KAT6A: variants seen among roughly 807,000 people sequenced by gnomAD.
KAT6A encodes the protein lysine acetyltransferase 6A, also known as histone acetyltransferase KAT6A.
A neutral mutation model predicts 198.4 loss-of-function variants in KAT6A; 9 were observed. The observed-to-expected ratio is 0.05, with a 90% CI of 0.03 to 0.08. KAT6A has a LOEUF of 0.08. Among genes scored for constraint, KAT6A ranks in the 10% least tolerant of loss-of-function variants. The probability of loss-of-function intolerance (pLI) is 1.00; values close to 1 mark genes in which losing one functional copy is unlikely to be tolerated. For missense variants in KAT6A, 2,077 were observed against 2,509.9 expected (o/e 0.83, Z 3.69); for synonymous variants, 890 against 883.0 (o/e 1.01, Z -0.14).
chr8:41,977,311 T>G lies in KAT6A; in HGVS notation c.1060A>C (p.Ser354Arg), dbSNP rs1400477959. Reference sequence around the variant, plus strand: ...CTTCCAGGGCCAGTTCGAACTTTGCTGAAGGGACCTTTTGATCTAAACAAT... The same window carrying G: ...CTTCCAGGGCCAGTTCGAACTTTGCGGAAGGGACCTTTTGATCTAAACAAT... Reference protein sequence around the residue: ...KQNTVSKGPFSKVRTGPGRGR... With the variant: ...KQNTVSKGPFRKVRTGPGRGR... Residue 354 changes from serine (S) to arginine (R), a missense_variant, in exon 7 of 17, where the codon AGC (serine) becomes CGC (arginine). Coordinates refer to ENST00000265713, the MANE Select transcript of KAT6A (RefSeq NM_006766.5). The G allele has an allele frequency of 2.5e-6, 4 of 1,612,890 alleles. No homozygotes were observed. Among genetic ancestry groups the G allele is most frequent in the Non-Finnish European group, 3.4e-6 (4 of 1,179,236 alleles).
At chr8:42,011,153 C>T (rs954543686) in intron 2 of KAT6A, among the ~76,000 whole-genome samples, 6 of 152,134 alleles carry the variant, frequency 3.9e-5, no homozygotes, top group Admixed American at 2.0e-4. Flanking sequence ...ACCTAACATG[C>T]CCCTTACATG....
At chr8:41,959,158 C>T (rs1305148072) in intron 8 of KAT6A, among the ~76,000 whole-genome samples, 2 of 58,046 alleles carry the variant, frequency 3.4e-5, no homozygotes, top group Admixed American at 2.0e-4. Flanking sequence ...CAGACTGTCT[C>T]GAAAAAAAAA....
chr8:41,997,410 C>T (rs1450838614), intron 2 of KAT6A, among the ~76,000 whole-genome samples: 1 of 151,522 alleles, frequency 6.6e-6, no homozygotes, highest in African/African-American at 2.4e-5. Context: ...TGTAGCCCAT[C>T]AAAAATGGAA....
chr8:41,975,172 A>C (rs1296939207), intron 7 of KAT6A, among the ~76,000 whole-genome samples: 1 of 152,174 alleles, frequency 6.6e-6, no homozygotes, highest in Non-Finnish European at 1.5e-5. Context: ...TATAGGTTTA[A>C]TGCATCAACG....
At chr8:41,958,969 C>A (rs1026920191) in intron 8 of KAT6A, among the ~76,000 whole-genome samples, 4 of 152,000 alleles carry the variant, frequency 2.6e-5, no homozygotes, top group African/African-American at 9.7e-5. Context: ...ACCATCCTGG[C>A]TAACAAGGTG....
intron 2 of KAT6A, among the ~76,000 whole-genome samples, chr8:42,009,904 A>C (rs964662588): frequency 3.5e-5 from 5 of 144,126 alleles, no homozygotes; most frequent in Admixed American, 6.8e-5. Flanking sequence ...CAAAAAAAAA[A>C]AAAAAAAAAA....
chr8:41,985,330 G>C (rs1408146162), intron 3 of KAT6A, among the ~76,000 whole-genome samples: 1 of 152,178 alleles, frequency 6.6e-6, no homozygotes, highest in Non-Finnish European at 1.5e-5. Flanking sequence ...TAGCACTCAA[G>C]ATCTGTTCTC....
At chr8:42,020,561 C>A (rs371823574) in intron 2 of KAT6A, among the ~76,000 whole-genome samples, 234 of 152,284 alleles carry the variant, frequency 1.5e-3, no homozygotes, top group Non-Finnish European at 1.9e-3. Flanking sequence ...AACCCCAGTA[C>A]CTAGCATAGT....
intron 2 of KAT6A, among the ~76,000 whole-genome samples, chr8:42,046,771 C>CT (rs150563066): frequency 0.025 from 3,766 of 152,236 alleles, 138 homozygotes; most frequent in African/African-American, 0.085. Context: ...ATTTTAATTA[C>CT]TTGTCTACCC....
intron 2 of KAT6A, among the ~76,000 whole-genome samples, chr8:42,026,527 G>A (rs1826822748): frequency 1.3e-5 from 2 of 151,854 alleles, no homozygotes; most frequent in African/African-American, 4.8e-5. Context: ...TGATTGTCTT[G>A]GTAGCTTTGT....
intron 2 of KAT6A, among the ~76,000 whole-genome samples, chr8:41,992,910 T>C (rs1825013156): frequency 6.6e-6 from 1 of 152,214 alleles, no homozygotes; most frequent in Non-Finnish European, 1.5e-5. Flanking sequence ...GGAGAAAGTC[T>C]GGAAAACAAA....
At chr8:41,954,205 T>C (rs1407094424) in intron 9 of KAT6A, among the ~76,000 whole-genome samples, 2 of 152,178 alleles carry the variant, frequency 1.3e-5, no homozygotes, top group African/African-American at 4.8e-5. Flanking sequence ...AGTTATTATA[T>C]GGAAAGAAAA....
rs549051043 is a variant in KAT6A at position 41,984,824 on chromosome 8, A to T, written c.709+2631T>A. Among the ~76,000 whole-genome samples, 54 of 152,118 alleles carry T rather than the reference A, an allele frequency of 3.5e-4. No individual in the cohort carries two copies. The South Asian group carries it at 0.011, about 31-fold the overall frequency. On this transcript the variant is annotated intron_variant, in intron 3 of 16. Transcript: ENST00000265713. ...TGGTGAAACCCCACCTCTACTAAAAATACCAAAAATTAGCCGGGCGTGGTG... is the reference window on the plus strand; with the variant it reads ...TGGTGAAACCCCACCTCTACTAAAATTACCAAAAATTAGCCGGGCGTGGTG...
At chr8:41,973,726 T>G (rs1305103727) in intron 8 of KAT6A, among the ~76,000 whole-genome samples, 1 of 152,130 alleles carries the variant, frequency 6.6e-6, no homozygotes, top group African/African-American at 2.4e-5. Context: ...CAATTAAGCA[T>G]GTTTTCCCCT....
chr8:42,025,909 G>C (rs1162394650), intron 2 of KAT6A, among the ~76,000 whole-genome samples: 1 of 152,114 alleles, frequency 6.6e-6, no homozygotes, highest in African/African-American at 2.4e-5. Flanking sequence ...TACAGTTTCA[G>C]ACCTTACATT....
Position 41,932,835 on chromosome 8 carries a change from A to G in KAT6A, c.5385T>C (p.Ala1795=). 1 of 1,614,132 alleles carries G rather than the reference A, an allele frequency of 6.2e-7. No homozygotes were observed. The highest frequency in any genetic ancestry group is 8.5e-7 in the Non-Finnish European group (1 of 1,180,022). Residue 1795 remains alanine (A), a synonymous_variant, in exon 17 of 17, where the codon GCT becomes GCC. Coordinates refer to ENST00000265713, the MANE Select transcript of KAT6A (RefSeq NM_006766.5). ...SLSNTGLAQL[A]PSHPLAGTPQ... is the part of the protein sequence containing the mutation. ...GAGTCCCAGCTAAGGGATGAGATGG[A>G]GCCAGCTGAGCCAGTCCTGTATTGG...
rs768722462 is a variant in KAT6A, at chr8:41,933,757, G to C, written c.4463C>G (p.Ser1488Cys). 6.2e-7 allele frequency: 1 copy of C among 1,614,140 alleles called. No homozygotes were observed. The highest frequency in any genetic ancestry group is 1.7e-5 in the Admixed American group (1 of 60,034). The stretch of plus-strand genomic sequence containing the variant: ...CGAACGGACTGACTGGCTGGGGTGA[G>C]ACTGAACGGAGGAGATAGGGCTATT... Reference protein sequence around the residue: ...EHNSPISSVQSHPSQSVRSVS... With the variant: ...EHNSPISSVQCHPSQSVRSVS... The change falls in exon 17 of 17, where the codon TCT becomes TGT. Residue 1488 changes from serine to cysteine, a missense_variant. Around this residue, in one of 13 missense-constraint regions of KAT6A, gnomAD observed 178 missense variants for 220.8 expected, o/e 0.81. Coordinates refer to ENST00000265713, the MANE Select transcript of KAT6A (RefSeq NM_006766.5). The surrounding 1 kb of genome is among the most constrained non-coding windows in gnomAD (Gnocchi z 6.2).
At chr8:42,019,188 T>C (rs1826411695) in intron 2 of KAT6A, among the ~76,000 whole-genome samples, 1 of 152,264 alleles carries the variant, frequency 6.6e-6, no homozygotes, top group Non-Finnish European at 1.5e-5. Context: ...ATGATATTTT[T>C]ACCTGTTTGA....
Position 42,010,561 on chromosome 8 carries a change from TTC to T in KAT6A, c.601-23000_601-22999del, listed in dbSNP as rs144582965. On this transcript the variant is annotated intron_variant, in intron 2 of 16. Coordinates refer to ENST00000265713, the MANE Select transcript of KAT6A (RefSeq NM_006766.5). ...TTCCACACACACGTAGGCAAGTCTC[TTC>T]ACGATTCCAAACCCTCAGCCTCAGG... 5.2e-3 allele frequency among the ~76,000 whole-genome samples: 786 copies of T among 152,302 alleles called. 9 individuals carry two copies. The highest frequency in any genetic ancestry group is 0.017 in the Middle Eastern group (5 of 294).
Sources: allele counts gnomAD v4.1 joint callset (sites outside exome capture counted in the v4.1 genomes callset), GRCh38; gene constraint gnomAD v4.1.1; regional missense constraint gnomAD v4.1.1; non-coding constraint Gnocchi (gnomAD v3.1); transcripts MANE v1.5; gene names NCBI Gene and HGNC (gene_info 2026-07-23, HGNC 2026-07-21).